PDE5A: variants seen among roughly 807,000 people sequenced by gnomAD.
PDE5A encodes the protein phosphodiesterase 5A, also known as cGMP-specific 3',5'-cyclic phosphodiesterase.
A neutral mutation model predicts 110.2 loss-of-function variants in PDE5A; 67 were observed. That is an observed-to-expected ratio of 0.61 (90% CI 0.50 to 0.75). The LOEUF (loss-of-function observed/expected upper bound fraction) is 0.75, where lower values mean the gene tolerates loss of function less well. Among genes scored for constraint, PDE5A ranks in the 30% least tolerant of loss-of-function variants. The probability of loss-of-function intolerance (pLI) is 0.00; values close to 1 mark genes in which losing one functional copy is unlikely to be tolerated. For missense variants in PDE5A, 862 were observed against 1,045.1 expected, an observed-to-expected ratio of 0.82 and a Z score of 2.42; for synonymous variants, 328 against 351.2, an observed-to-expected ratio of 0.93 and a Z score of 0.74.
chr4:119,607,174 A>G lies in PDE5A; in HGVS notation c.276T>C (p.Ser92=), dbSNP rs1729568770. The G allele has an allele frequency of 6.2e-7, 1 of 1,614,158 alleles. No individual in the cohort carries two copies. The highest frequency in any genetic ancestry group is 1.3e-5 in the African/African-American group (1 of 75,050). The part of the protein sequence containing the change: ...PLQQSPRADN[S]APGTPTRKIS... ...TTTTCCTGGTTGGTGTTCCAGGGGC[A>G]CTGTTATCTGCACGAGGACTCTGCT... Residue 92 remains serine, a synonymous_variant, in exon 2 of 21, where the codon AGT becomes AGC. Coordinates refer to ENST00000354960, the MANE Select transcript of PDE5A (RefSeq NM_001083.4).
Position 119,567,157 on chromosome 4 carries a change from GA to G in PDE5A, c.832-14del, listed in dbSNP as rs1727971267. On this transcript the variant is annotated splice_polypyrimidine_tract_variant and intron_variant, in intron 3 of 20. Transcript: ENST00000354960. ...CTACACCAACAACCTGGTATAAGGA[GA>G]GAAAAGCGACAATTTTTTTATTGAC... The G allele has an allele frequency of 6.3e-7, 1 of 1,595,082 alleles. No individual in the cohort carries two copies. The highest frequency in any genetic ancestry group is 8.6e-7 in the Non-Finnish European group (1 of 1,165,958).
At chr4:119,531,371 C>G (rs1243573615) in intron 11 of PDE5A, among the ~76,000 whole-genome samples, 2 of 152,224 alleles carry the variant, frequency 1.3e-5, no homozygotes, top group Admixed American at 6.5e-5. Flanking sequence ...CTCCACCTCC[C>G]AAGTTCAAGT....
chr4:119,531,017 A>G (rs778939198), intron 11 of PDE5A, among the ~76,000 whole-genome samples: 14 of 152,116 alleles, frequency 9.2e-5, no homozygotes, highest in Admixed American at 5.2e-4. Flanking sequence ...TTAAGATTTG[A>G]TTCTCTCACT....
intron 9 of PDE5A, among the ~76,000 whole-genome samples, chr4:119,551,338 T>C (rs1402507192): frequency 1.3e-5 from 2 of 152,198 alleles, no homozygotes; most frequent in Non-Finnish European, 2.9e-5. Context: ...GAATAATGCA[T>C]TCTCTTCCCA....
Position 119,533,386 on chromosome 4 carries a change from T to C in PDE5A, c.1632+5574A>G, listed in dbSNP as rs559552347. ...CCACATTACACCTTATGGAAGACCA[T>C]TATCTCTTTTCTCCACTTTCCGCAT... On this transcript the variant is annotated intron_variant, in intron 11 of 20. Coordinates refer to ENST00000354960, the MANE Select transcript of PDE5A (RefSeq NM_001083.4). Among the ~76,000 whole-genome samples the C allele has an allele frequency of 2.0e-5, 3 of 152,288 alleles. No homozygotes were observed. The East Asian group carries it at 5.8e-4, about 29-fold the overall frequency.
rs568315170 is a variant in PDE5A, at chr4:119,573,328, C to G, written c.832-6184G>C. On this transcript the variant is annotated intron_variant, in intron 3 of 20. Coordinates refer to ENST00000354960, the MANE Select transcript of PDE5A (RefSeq NM_001083.4). Reference sequence around the variant, plus strand: ...CTAAGAGTCTCCATTAACCTCACATCCTTATCAGCATCTGGTGTTATCAGA... The same window carrying G: ...CTAAGAGTCTCCATTAACCTCACATGCTTATCAGCATCTGGTGTTATCAGA... 2.0e-5 allele frequency among the ~76,000 whole-genome samples: 3 copies of G among 152,318 alleles called. No homozygotes were observed. The South Asian group carries it at 6.2e-4, about 32-fold the overall frequency.
chr4:119,511,902 CAT>C (rs1188944754), intron 14 of PDE5A, among the ~76,000 whole-genome samples: 1 of 152,110 alleles, frequency 6.6e-6, no homozygotes, highest in African/African-American at 2.4e-5. Context: ...TCCTCCACCT[CAT>C]GTTTCTCATG....
chr4:119,540,121 AT>A (rs968123670), intron 10 of PDE5A, among the ~76,000 whole-genome samples: 2 of 152,170 alleles, frequency 1.3e-5, no homozygotes, highest in South Asian at 2.1e-4. Flanking sequence ...TTGAAAGCAT[AT>A]TTTTTTAAAG....
chr4:119,596,706 G>T, intron 2 of PDE5A, 94 bp from the exon 3 acceptor site: 1 of 625,154 alleles, frequency 1.6e-6, no homozygotes, highest in East Asian at 3.0e-5. Context: ...TCTAACCTTG[G>T]ACTTACCTTG....
At chr4:119,593,594 T>C (rs1419709041) in intron 3 of PDE5A, among the ~76,000 whole-genome samples, 2 of 152,086 alleles carry the variant, frequency 1.3e-5, no homozygotes, top group East Asian at 3.9e-4. Flanking sequence ...GAGGAGGAGA[T>C]CAACTATGAA....
intron 10 of PDE5A, among the ~76,000 whole-genome samples, chr4:119,540,368 G>A (rs1459473732): frequency 6.6e-6 from 1 of 152,066 alleles, no homozygotes; most frequent in Non-Finnish European, 1.5e-5. Context: ...GCACTACATT[G>A]CATCTTTCTT....
chr4:119,608,044 C>T (rs1261592586), intron 1 of PDE5A, among the ~76,000 whole-genome samples: 1 of 151,944 alleles, frequency 6.6e-6, no homozygotes, highest in East Asian at 1.9e-4. Context: ...GCTACTATGC[C>T]TATTTTAGAT....
At chr4:119,548,683 C>T (rs1329068330) in intron 9 of PDE5A, 2 of 152,136 alleles carry the variant, frequency 1.3e-5, no homozygotes, top group Non-Finnish European at 2.9e-5. Context: ...TTTCTTCAGT[C>T]AATTATTAAA....
At chr4:119,594,502 C>T (rs1729087680) in intron 3 of PDE5A, among the ~76,000 whole-genome samples, 1 of 152,102 alleles carries the variant, frequency 6.6e-6, no homozygotes, top group Admixed American at 6.5e-5. Flanking sequence ...GATTTGAGTT[C>T]AGATAAACAA....
chr4:119,498,197 A>G lies in PDE5A; in HGVS notation c.*404T>C, dbSNP rs922586967. On this transcript the variant is annotated 3_prime_UTR_variant, in exon 21 of 21. Transcript: ENST00000354960. ...ATGTATGATAATTTGCTCCTAACCT[A>G]CTTTTGAAAAAGGAAAGATTCCAAA... 1.9e-5 allele frequency: 3 copies of G among 157,692 alleles called. No individual in the cohort carries two copies. The highest frequency in any genetic ancestry group is 7.2e-5 in the African/African-American group (3 of 41,570). 9.8% of individuals were successfully genotyped at this position (157,692 alleles called of 1,614,324 possible).
At chr4:119,604,736 T>C (rs1299562164) in intron 2 of PDE5A, among the ~76,000 whole-genome samples, 1 of 152,208 alleles carries the variant, frequency 6.6e-6, no homozygotes, top group Non-Finnish European at 1.5e-5. Flanking sequence ...ATTATTCATT[T>C]ACCCAGCTTC....
rs1256554377 is a variant in PDE5A, at chr4:119,498,161, A to C, written c.*440T>G. The stretch of plus-strand genomic sequence containing the variant: ...TTTTCACTATCCTATAAAGGCTTTA[A>C]ATGTCACAGAATGTATGATAATTTG... On this transcript the variant is annotated 3_prime_UTR_variant, in exon 21 of 21. Coordinates refer to ENST00000354960, the MANE Select transcript of PDE5A (RefSeq NM_001083.4). 6.5e-6 allele frequency: 1 copy of C among 154,780 alleles called. No individual in the cohort carries two copies. The highest frequency in any genetic ancestry group is 3.4e-3 in the Middle Eastern group (1 of 294). The allele number at this position is 154,780 out of a possible 1,614,324, so 9.6% of individuals were successfully genotyped here. A position where few individuals can be genotyped will look rare whatever the true frequency, so the allele number is the denominator to read the frequency against.
chr4:119,553,489 T>C, intron 8 of PDE5A, 149 bp downstream of exon 8: 1 of 636,024 alleles, frequency 1.6e-6, no homozygotes. Context: ...TTATGATCTA[T>C]TTTATTCTCC....
chr4:119,553,694 T>C lies in PDE5A; in HGVS notation c.1252A>G (p.Thr418Ala), dbSNP rs200427991. The C allele has an allele frequency of 1.9e-6, 3 of 1,602,704 alleles. No homozygotes were observed. Among genetic ancestry groups the C allele is most frequent in the Admixed American group, 1.7e-5 (1 of 59,880 alleles). The change falls in exon 8 of 21, where the codon ACT (threonine) becomes GCT (alanine). Residue 418 changes from threonine to alanine, a missense_variant. Coordinates refer to ENST00000354960, the MANE Select transcript of PDE5A (RefSeq NM_001083.4). ...NYMYAQYVKNTMEPLNIPDVS... is the reference protein window; with the variant it reads ...NYMYAQYVKNAMEPLNIPDVS... ...TCTGGGATATTAAGTGGTTCCATAG[T>C]ATTTTTGACATACTGAGCATACATG...
Sources: allele counts gnomAD v4.1 joint callset (sites outside exome capture counted in the v4.1 genomes callset), GRCh38; gene constraint gnomAD v4.1.1; transcripts MANE v1.5; gene names NCBI Gene and HGNC (gene_info 2026-07-23, HGNC 2026-07-21).